The following MMS19 variants were observed in gnomAD, a reference collection of about 807,000 sequenced individuals.
The protein encoded by MMS19 is MMS19 cytosolic iron-sulfur assembly component, also known as MMS19 nucleotide excision repair protein homolog.
In MMS19, 77 loss-of-function variants were observed where a neutral mutation model predicts 129.8. The observed-to-expected ratio is 0.59, with a 90% CI of 0.49 to 0.72. The LOEUF is 0.72. Among genes scored for constraint, MMS19 ranks in the 30% least tolerant of loss-of-function variants. MMS19 has a pLI of 0.00. For synonymous variants in MMS19, 491 were observed against 502.8 expected, an observed-to-expected ratio of 0.98 and a Z score of 0.31; for missense variants, 1,168 against 1,266.3, an observed-to-expected ratio of 0.92 and a Z score of 1.18.
chr10:97,472,995 C>A (rs1331430956), intron 8 of MMS19, among the ~76,000 whole-genome samples: 1 of 151,990 alleles, frequency 6.6e-6, no homozygotes, highest in East Asian at 1.9e-4. Flanking sequence ...GTAGCTGGGA[C>A]TGCAGACATG....
intron 5 of MMS19, 30 bp from the exon 6 acceptor site, chr10:97,477,446 A>T (rs2035968876): frequency 6.2e-7 from 1 of 1,613,830 alleles, no homozygotes; most frequent in African/African-American, 1.3e-5. Context: ...GAAGTGAAGA[A>T]AATGCTCAAA....
intron 1 of MMS19, among the ~76,000 whole-genome samples, chr10:97,497,074 A>T (rs576110504): frequency 7.9e-5 from 12 of 152,232 alleles, no homozygotes; most frequent in Non-Finnish European, 1.3e-4. Flanking sequence ...ATTTCATAAA[A>T]TTGTAAGATG....
In MMS19 at chr10:97,481,048, G is replaced by A; in HGVS notation, c.162-6C>T. 1 of 1,539,490 alleles carries A rather than the reference G, an allele frequency of 6.5e-7. No individual in the cohort carries two copies. The highest frequency in any genetic ancestry group is 8.9e-7 in the Non-Finnish European group (1 of 1,117,762). On this transcript the variant is annotated splice_region_variant and splice_polypyrimidine_tract_variant and intron_variant, in intron 2 of 30. Coordinates refer to ENST00000438925, the MANE Select transcript of MMS19 (RefSeq NM_022362.5). ...CTGGATTCTCTAGAGAGGACCTAGG[G>A]GAAAACAGGATAGAGAGAACCTGCA...
intron 11 of MMS19, 136 bp from the exon 12 acceptor site, chr10:97,469,240 G>A: frequency 9.1e-7 from 1 of 1,094,952 alleles, no homozygotes. Context: ...CACCCCAACT[G>A]AGTGTCTTCT....
chr10:97,464,139 C>A (rs2032798747), intron 18 of MMS19, 126 bp from the exon 19 acceptor site: 3 of 808,878 alleles, frequency 3.7e-6, no homozygotes, highest in South Asian at 1.7e-5. Context: ...TATTAAAAAG[C>A]TGAGTCACTT....
At chr10:97,463,665 G>A (rs2032662475) in intron 19 of MMS19, among the ~76,000 whole-genome samples, 193 bp downstream of exon 19, 1 of 152,188 alleles carries the variant, frequency 6.6e-6, no homozygotes, top group Admixed American at 6.5e-5. Flanking sequence ...TAACACTAGT[G>A]GATTTTGGTT....
At chr10:97,480,198 A>G in intron 3 of MMS19, 3 of 449,838 alleles carry the variant, frequency 6.7e-6, no homozygotes, top group South Asian at 3.3e-5. Flanking sequence ...CCCGAGCCCT[A>G]TGCAAATCAG....
chr10:97,498,788 G>A, upstream of MMS19: 2 of 274,542 alleles, frequency 7.3e-6, no homozygotes, highest in South Asian at 1.3e-4. Context: ...GCGGCGGCGC[G>A]GGCACCGCGA....
Position 97,466,075 on chromosome 10 carries a change from A to G in MMS19, c.1590T>C (p.Ala530=), listed in dbSNP as rs137878637. 2.5e-5 allele frequency: 41 copies of G among 1,613,288 alleles called. No homozygotes were observed. Among genetic ancestry groups the G allele is most frequent in the Non-Finnish European group, 3.5e-5 (41 of 1,179,602 alleles). The change falls in exon 17 of 31, where the codon GCT becomes GCC. Residue 530 remains alanine, a synonymous_variant. Transcript: ENST00000438925. ...AFSSHLVPKL[A]EELRVGESNL... ...GACACATACCTACACGCAGCTCCTC[A>G]GCGAGCTTGGGTACGAGGTGGCTGC... is the stretch of plus-strand genomic sequence containing the variant.
chr10:97,495,664 CTT>C (rs1273229229), intron 1 of MMS19, among the ~76,000 whole-genome samples: 1 of 152,254 alleles, frequency 6.6e-6, no homozygotes, highest in Non-Finnish European at 1.5e-5. Flanking sequence ...TACAACAACT[CTT>C]AGTACAGATA....
intron 3 of MMS19, among the ~76,000 whole-genome samples, chr10:97,480,706 A>G (rs1421635138): frequency 6.6e-6 from 1 of 152,138 alleles, no homozygotes; most frequent in African/African-American, 2.4e-5. Flanking sequence ...CAGCCACCCA[A>G]GTAGCTGCAG....
intron 3 of MMS19, among the ~76,000 whole-genome samples, chr10:97,478,597 C>A (rs574737093): frequency 1.3e-5 from 2 of 152,294 alleles, no homozygotes; most frequent in East Asian, 3.9e-4. Flanking sequence ...AATATCCATT[C>A]TCATACAGGT....
intron 8 of MMS19, among the ~76,000 whole-genome samples, chr10:97,474,001 G>A (rs559585455): frequency 1.8e-4 from 27 of 151,686 alleles, no homozygotes; most frequent in African/African-American, 5.8e-4. Flanking sequence ...ACAATTAGTC[G>A]GGAGTAGTGT....
intron 1 of MMS19, among the ~76,000 whole-genome samples, chr10:97,492,950 A>T (rs1414922421): frequency 1.3e-5 from 2 of 152,076 alleles, no homozygotes; most frequent in African/African-American, 4.8e-5. Flanking sequence ...CTTAAGATAG[A>T]AATATGGGCA....
At chr10:97,492,525 T>C (rs1178803793) in intron 1 of MMS19, among the ~76,000 whole-genome samples, 2 of 146,716 alleles carry the variant, frequency 1.4e-5, no homozygotes, top group East Asian at 2.0e-4. Context: ...AATGAGATAA[T>C]AAAGCTATTA....
intron 1 of MMS19, among the ~76,000 whole-genome samples, chr10:97,497,206 A>T (rs1317103430): frequency 2.6e-5 from 4 of 152,196 alleles, no homozygotes; most frequent in Non-Finnish European, 5.9e-5. Context: ...CACAGATCTA[A>T]CCTAATTTGT....
In MMS19 at chr10:97,462,897, GCA is replaced by G. The variant is rs1251278600; in HGVS notation, c.1913-217_1913-216del. The G allele has an allele frequency of 2.9e-5, 16 of 554,992 alleles. No individual in the cohort carries two copies. The East Asian group carries it at 3.3e-4, about 12-fold the overall frequency. The allele number at this position is 554,992 out of a possible 1,614,324, so 34.4% of individuals were successfully genotyped here. A position where few individuals can be genotyped will look rare whatever the true frequency, so the allele number is the denominator to read the frequency against. On this transcript the variant is annotated intron_variant, in intron 19 of 30. Transcript: ENST00000438925. ...GCCACAGAGCGCTCCTGAGAACTCT[GCA>G]CAGTCTTTAGACTAGGCCAACAGTG... is the stretch of plus-strand genomic sequence containing the variant.
chr10:97,466,694 G>GGATA, intron 15 of MMS19, 82 bp downstream of exon 15: 1 of 1,599,800 alleles, frequency 6.3e-7, no homozygotes, highest in Non-Finnish European at 8.6e-7. Context: ...AGTAAGAAGA[G>GGATA]GATAGTAAGG....
chr10:97,476,610 G>A, intron 8 of MMS19, 73 bp downstream of exon 8: 1 of 1,439,790 alleles, frequency 6.9e-7, no homozygotes, highest in Admixed American at 1.8e-5. Flanking sequence ...TGTACCCTCA[G>A]TGCCCAGAAC....
Sources: gnomAD v4.1 joint callset for allele counts (sites outside exome capture counted in the v4.1 genomes callset) on GRCh38, gnomAD v4.1.1 for gene constraint, MANE v1.5 for transcripts, NCBI Gene and HGNC (gene_info 2026-07-23, HGNC 2026-07-21) for gene names.